Variants in TTN observed in about 807,000 individuals in gnomAD.
TTN encodes the protein titin.
In TTN, 1,525 loss-of-function variants were observed where a neutral mutation model predicts 3,223.0. The ratio of observed to expected loss-of-function variants is 0.47; its 90% CI spans 0.45 to 0.49. TTN has a LOEUF of 0.49. Ranked by LOEUF, TTN falls within the 20% of genes least tolerant of loss-of-function variation. The pLI, the probability that TTN is intolerant of heterozygous loss-of-function variation, is 0.00. For missense variants in TTN, 40,786 were observed against 43,424.0 expected (o/e 0.94, Z 5.40); for synonymous variants, 14,094 against 15,161.0 (o/e 0.93, Z 5.17).
Position 178,696,151 on chromosome 2 carries a change from G to A in TTN, c.30921C>T (p.His10307=), listed in dbSNP as rs1553864476. ...ATTCAATGAAGACTCTCTTCTCCTTGTGGACTGCTTGCTTTTTCTCATACA... is the reference window on the plus strand; with the variant it reads ...ATTCAATGAAGACTCTCTTCTCCTTATGGACTGCTTGCTTTTTCTCATACA... ...EAVYEKKQAV[H]KEKRVFIESF... The change falls in exon 114 of 363, where the codon CAC becomes CAT. Residue 10307 remains histidine (H), a synonymous_variant. Transcript: ENST00000589042. 1 of 1,554,144 alleles carries A rather than the reference G, an allele frequency of 6.4e-7. No individual in the cohort carries two copies.
intron 111 of TTN, among the ~76,000 whole-genome samples, chr2:178,700,321 A>G (rs572648534): frequency 6.6e-6 from 1 of 152,348 alleles, no homozygotes; most frequent in East Asian, 1.9e-4. Context: ...GCTGAAAAAT[A>G]GGTCAAGCGT....
rs578006573 is a variant in TTN at position 178,752,057 on chromosome 2, A to T, written c.11311+1067T>A. The T allele has an allele frequency of 9.4e-6, 14 of 1,482,164 alleles. No homozygotes were observed. In the South Asian group the frequency reaches 1.3e-4, roughly 14 times the overall value. The allele number at this position is 1,482,164 out of a possible 1,614,324, so 91.8% of individuals were successfully genotyped here. On this transcript the variant is annotated intron_variant, in intron 47 of 362. Transcript: ENST00000589042. ...GAATAATTCTGGAAAAAAAAAAAAA[A>T]ACCTTTACTATTTTCCATAGAACTT... is the stretch of plus-strand genomic sequence containing the variant.
rs748786455 is a variant in TTN at position 178,552,541 on chromosome 2, A to T, written c.90359T>A (p.Ile30120Asn). Residue 30120 changes from isoleucine (I) to asparagine (N), a missense_variant, in exon 335 of 363, where the codon ATT (isoleucine) becomes AAT (asparagine). Ile to Asn is a moderately radical substitution (Grantham distance 149). Transcript: ENST00000589042. ...TGTAATAATAAGTTCTTTCACTGTA[A>T]TTGGCCCAATAGTGACAGGATCACT... ...GLSDPVTIGPITVKELIITPE... is the reference protein window; with the variant it reads ...GLSDPVTIGPNTVKELIITPE... 2.4e-5 allele frequency: 38 copies of T among 1,613,608 alleles called. No homozygotes were observed. In the East Asian group the frequency reaches 8.5e-4, roughly 36 times the overall value.
At chr2:178,758,814 A>G in intron 44 of TTN, 170 bp downstream of exon 44, 1 of 694,696 alleles carries the variant, frequency 1.4e-6, no homozygotes, top group South Asian at 1.7e-5. Flanking sequence ...CACAATGAAA[A>G]GTGGTAAAGG....
rs762806572 is a variant in TTN, at chr2:178,730,622, C to T, written c.17911G>A (p.Asp5971Asn). ...ASEKYKFSFH[D>N]NTAFLEISQL... ...CTGATTTCCAAGAAGGCAGTATTGT[C>T]ATGAAAAGAGAATTTGTACTTTTCA... The change falls in exon 61 of 363, where the codon GAC becomes AAC. Residue 5971 changes from aspartate (D) to asparagine (N), a missense_variant. Coordinates refer to ENST00000589042, the MANE Select transcript of TTN (RefSeq NM_001267550.2). The T allele has an allele frequency of 5.6e-6, 9 of 1,613,512 alleles. No homozygotes were observed. The highest frequency in any genetic ancestry group is 7.6e-6 in the Non-Finnish European group (9 of 1,179,694).
chr2:178,723,350 T>C (rs2078756192), intron 74 of TTN, 26 bp from the exon 75 acceptor site: 1 of 1,605,200 alleles, frequency 6.2e-7, no homozygotes, highest in Non-Finnish European at 8.5e-7. Context: ...GCACAGCAGT[T>C]AAACACAAGA....
intron 259 of TTN, 98 bp from the exon 260 acceptor site, chr2:178,615,066 T>C (rs1031609818): frequency 1.8e-6 from 2 of 1,098,016 alleles, no homozygotes; most frequent in African/African-American, 3.2e-5. Context: ...CCTGGTATAA[T>C]ACTAGTCTTT....
At chr2:178,751,427 T>C in intron 47 of TTN, 1 of 1,611,178 alleles carries the variant, frequency 6.2e-7, no homozygotes, top group South Asian at 1.1e-5. Flanking sequence ...TGTCTTAAAA[T>C]GTATAGTTCT....
intron 68 of TTN, 24 bp from the exon 69 acceptor site, chr2:178,727,395 G>C: frequency 6.5e-7 from 1 of 1,544,580 alleles, no homozygotes; most frequent in Non-Finnish European, 8.7e-7. Flanking sequence ...AAAGAGGAGA[G>C]TATCAGGGAA....
chr2:178,757,205 CTTACT>C (rs2087451493), intron 45 of TTN, among the ~76,000 whole-genome samples: 1 of 152,126 alleles, frequency 6.6e-6, no homozygotes, highest in Non-Finnish European at 1.5e-5. Context: ...TAATACTGTA[CTTACT>C]TTAAGTACAG....
chr2:178,684,757 G>A lies in TTN; in HGVS notation c.32555-8C>T. Reference sequence around the variant, plus strand: ...TCTTTGGCTCTTCTGGCACTTAAAAGATACCAGGCAATACCATCAAACATA... The same window carrying A: ...TCTTTGGCTCTTCTGGCACTTAAAAAATACCAGGCAATACCATCAAACATA... On this transcript the variant is annotated splice_region_variant and splice_polypyrimidine_tract_variant and intron_variant, in intron 130 of 362. Coordinates refer to ENST00000589042, the MANE Select transcript of TTN (RefSeq NM_001267550.2). The A allele has an allele frequency of 6.2e-7, 1 of 1,612,894 alleles. No homozygotes were observed. Among genetic ancestry groups the A allele is most frequent in the East Asian group, 2.2e-5 (1 of 44,852 alleles).
In TTN at chr2:178,593,864, C is replaced by T. The variant is rs2288569; in HGVS notation, c.58436G>A (p.Arg19479His). ...AACTGGTCCTACTGGTGGTCCAGGA[C>T]GGTCTGCAGAAAAAAAAAATCATGG... ...KGFCQVNVVD[R>H]PGPPVGPVSF... Residue 19479 changes from arginine to histidine, a missense_variant, in exon 298 of 363, where the codon CGT (arginine) becomes CAT (histidine). By Grantham distance (29) the Arg-to-His change is conservative. Transcript: ENST00000589042. The T allele has an allele frequency of 0.15, 246,905 of 1,609,696 alleles. 22,002 individuals carry two copies. Among genetic ancestry groups the T allele is most frequent in the East Asian group, 0.43 (19,154 of 44,536 alleles).
rs879170800 is a variant in TTN, at chr2:178,530,115, G to A, written c.106376C>T (p.Ala35459Val). The A allele has an allele frequency of 4.4e-6, 7 of 1,583,792 alleles. No individual in the cohort carries two copies. Among genetic ancestry groups the A allele is most frequent in the South Asian group, 1.2e-5 (1 of 84,684 alleles). Residue 35459 changes from alanine to valine, a missense_variant and splice_region_variant, in exon 359 of 363, where the codon GCC becomes GTC. Ala to Val is a moderately conservative substitution (Grantham distance 64). Coordinates refer to ENST00000589042, the MANE Select transcript of TTN (RefSeq NM_001267550.2). ...PTAIWTKDGK[A>V]ITQGGKYKLS... ...TTTATATTTACCTCCTTGTGTAATGGCCTGTAGAATGCAAATGATTTGTGT... is the reference window on the plus strand; with the variant it reads ...TTTATATTTACCTCCTTGTGTAATGACCTGTAGAATGCAAATGATTTGTGT...
chr2:178,563,260 T>C lies in TTN; in HGVS notation c.82872A>G (p.Thr27624=). The change falls in exon 326 of 363, where the codon ACA becomes ACG. Residue 27624 remains threonine, a synonymous_variant. Coordinates refer to ENST00000589042, the MANE Select transcript of TTN (RefSeq NM_001267550.2). This position sits in a 1 kb window ranked among gnomAD's most constrained non-coding sequence, Gnocchi z 4.5. ...ADEWTTCTPP[T]GLQGKQFTVT... ...CTGTGAACTGCTTTCCTTGTAATCC[T>C]GTTGGTGGAGTGCAGGTTGTCCATT... The C allele has an allele frequency of 6.2e-7, 1 of 1,613,752 alleles. No homozygotes were observed. The highest frequency in any genetic ancestry group is 8.5e-7 in the Non-Finnish European group (1 of 1,179,726).
chr2:178,702,075 T>TAAA lies in TTN; in HGVS notation c.30512-12_30512-10dup. ...CAGCTCAAGTTTGATTTCTGCAAAA[T>TAAA]AAAAAAAAAATGATATTTTTGTGTT... On this transcript the variant is annotated splice_polypyrimidine_tract_variant and intron_variant, in intron 108 of 362. Coordinates refer to ENST00000589042, the MANE Select transcript of TTN (RefSeq NM_001267550.2). The TAAA allele has an allele frequency of 6.7e-7, 1 of 1,492,018 alleles. No individual in the cohort carries two copies. The highest frequency in any genetic ancestry group is 1.2e-5 in the South Asian group (1 of 83,124). The allele number at this position is 1,492,018 out of a possible 1,614,324, so 92.4% of individuals were successfully genotyped here. A position where few individuals can be genotyped will look rare whatever the true frequency, so the allele number is the denominator to read the frequency against.
In TTN at chr2:178,588,171, T is replaced by C. The variant is rs2049447997; in HGVS notation, c.63236A>G (p.His21079Arg). 4.4e-6 allele frequency: 7 copies of C among 1,601,612 alleles called. No homozygotes were observed. The highest frequency in any genetic ancestry group is 6.0e-6 in the Non-Finnish European group (7 of 1,170,898). The change falls in exon 305 of 363, where the codon CAT (histidine) becomes CGT (arginine). Residue 21079 changes from histidine (H) to arginine (R), a missense_variant. His to Arg is a conservative substitution (Grantham distance 29). Coordinates refer to ENST00000589042, the MANE Select transcript of TTN (RefSeq NM_001267550.2). ...TTTTCCCCACCCAAGAGTTATGGAATGTTTGGTTGTATCAACCACTCTGAA... is the reference window on the plus strand; with the variant it reads ...TTTTCCCCACCCAAGAGTTATGGAACGTTTGGTTGTATCAACCACTCTGAA... ...TNFRVVDTTK[H>R]SITLGWGKPV... is the part of the protein sequence containing the mutation.
chr2:178,719,298 C>T lies in TTN; in HGVS notation c.24092G>A (p.Cys8031Tyr), dbSNP rs2077976693. The change falls in exon 83 of 363, where the codon TGT becomes TAT. Residue 8031 changes from cysteine (C) to tyrosine (Y), a missense_variant. By Grantham distance (194) the Cys-to-Tyr change is radical (BLOSUM62 -2). Coordinates refer to ENST00000589042, the MANE Select transcript of TTN (RefSeq NM_001267550.2). ...DGNEIVSGPK[C>Y]QSSFSENVCT... Reference sequence around the variant, plus strand: ...GACGTTTTCCGAAAAGCTGGACTGACATTTGGGCCCACTAACAATCTCATT... The same window carrying T: ...GACGTTTTCCGAAAAGCTGGACTGATATTTGGGCCCACTAACAATCTCATT... The T allele has an allele frequency of 1.2e-6, 2 of 1,613,764 alleles. No homozygotes were observed. The highest frequency in any genetic ancestry group is 2.2e-5 in the East Asian group (1 of 44,852).
intron 88 of TTN, among the ~76,000 whole-genome samples, chr2:178,716,360 G>C (rs754326034): frequency 6.6e-6 from 1 of 152,076 alleles, no homozygotes; most frequent in Non-Finnish European, 1.5e-5. Context: ...AAAAATTCAG[G>C]CATAGGGAAG....
Position 178,570,333 on chromosome 2 carries a change from T to C in TTN, c.75799A>G (p.Thr25267Ala), listed in dbSNP as rs1707717762. Residue 25267 changes from threonine to alanine, a missense_variant, in exon 326 of 363, where the codon ACT (threonine) becomes GCT (alanine). Coordinates refer to ENST00000589042, the MANE Select transcript of TTN (RefSeq NM_001267550.2). ...ANVQTLSCKV[T>A]KLLEGNEYTF... ...TATTCATTGCCTTCAAGAAGCTTAG[T>C]AACCTTGCAGCTGAGAGTCTGCACA... 1 of 1,613,344 alleles carries C rather than the reference T, an allele frequency of 6.2e-7. No individual in the cohort carries two copies. Among genetic ancestry groups the C allele is most frequent in the Non-Finnish European group, 8.5e-7 (1 of 1,179,610 alleles).
Sources: allele counts gnomAD v4.1 joint callset (sites outside exome capture counted in the v4.1 genomes callset), GRCh38; gene constraint gnomAD v4.1.1; non-coding constraint Gnocchi (gnomAD v3.1); transcripts MANE v1.5; gene names NCBI Gene and HGNC (gene_info 2026-07-23, HGNC 2026-07-21).